GAL: variants seen among roughly 807,000 people sequenced by gnomAD.
GAL encodes the protein galanin peptides.
Under a neutral mutation model 15.8 loss-of-function variants are expected in GAL, and 14 were observed. The ratio of observed to expected loss-of-function variants is 0.89; its 90% CI spans 0.59 to 1.39. The LOEUF is 1.39. Ranked by LOEUF, GAL falls within the 40% of genes most tolerant of loss-of-function variation. The pLI is 0.00. For missense variants in GAL, 176 were observed against 170.4 expected, an observed-to-expected ratio of 1.03 and a Z score of -0.18; for synonymous variants, 79 against 73.8, an observed-to-expected ratio of 1.07 and a Z score of -0.36.
At position 68,691,019 on chromosome 11, in the gene GAL, T is replaced by C. The variant is rs1304813457; in HGVS notation, c.*32T>C. 7.4e-7 allele frequency: 1 copy of C among 1,352,336 alleles called. No individual in the cohort carries two copies. The highest frequency in any genetic ancestry group is 1.7e-5 in the Admixed American group (1 of 59,680). The allele number at this position is 1,352,336 out of a possible 1,614,324, so 83.8% of individuals were successfully genotyped here. On this transcript the variant is annotated 3_prime_UTR_variant, in exon 6 of 6. Coordinates refer to ENST00000265643, the MANE Select transcript of GAL (RefSeq NM_015973.5). ...CCTGGGCATGTTTGTCTGTGTGCTG[T>C]AACCTGAAGTCAAACCTTAAGATAA...
chr11:68,684,824 C>T (rs1020421704), intron 1 of GAL, 92 bp downstream of exon 1: 5 of 709,770 alleles, frequency 7.0e-6, no homozygotes, highest in South Asian at 3.4e-5. Flanking sequence ...GGCCCTGGCC[C>T]GGCCGCCGCC....
At position 68,690,922 on chromosome 11, in the gene GAL, G is replaced by T. The variant is rs749401752; in HGVS notation, c.307G>T (p.Gly103Cys). 6.2e-7 allele frequency: 1 copy of T among 1,610,838 alleles called. No individual in the cohort carries two copies. The highest frequency in any genetic ancestry group is 1.1e-5 in the South Asian group (1 of 91,018). ...FLSFLHLKEA[G>C]ALDRLLDLPA... ...TGTGGCTCTTCCCTTTGCAGAGGCC[G>T]GTGCCCTCGACCGCCTCCTGGATCT... is the stretch of plus-strand genomic sequence containing the variant. Residue 103 changes from glycine to cysteine, a missense_variant, in exon 6 of 6, where the codon GGT (glycine) becomes TGT (cysteine). Physicochemically the swap from Gly to Cys is radical, Grantham distance 159. Transcript: ENST00000265643.
intron 5 of GAL, among the ~76,000 whole-genome samples, chr11:68,689,844 A>G (rs1945888827): frequency 6.6e-6 from 1 of 152,176 alleles, no homozygotes; most frequent in Admixed American, 6.5e-5. Flanking sequence ...TTCTGCAAAC[A>G]CTGGGGATGA....
Position 68,691,124 on chromosome 11 carries a change from A to ATT in GAL, c.*148_*149dup, listed in dbSNP as rs774668297. On this transcript the variant is annotated 3_prime_UTR_variant, in exon 6 of 6. Transcript: ENST00000265643. ...TGATGTTGTGTTGTTATCATTTAAG[A>ATT]TTTTTTTTTTTTGGTAATTATTTTG... 1.1e-4 allele frequency: 55 copies of ATT among 488,720 alleles called. No individual in the cohort carries two copies. The highest frequency in any genetic ancestry group is 4.5e-4 in the East Asian group (13 of 28,698). The allele number at this position is 488,720 out of a possible 1,614,324, so 30.3% of individuals were successfully genotyped here. A position where few individuals can be genotyped will look rare whatever the true frequency, so the allele number is the denominator to read the frequency against.
rs893491505 is a variant in GAL, at chr11:68,684,689, C to T, written c.-44C>T. 6 of 399,882 alleles carry T rather than the reference C, an allele frequency of 1.5e-5. No individual in the cohort carries two copies. The highest frequency in any genetic ancestry group is 2.2e-5 in the Non-Finnish European group (5 of 226,016). The allele number at this position is 399,882 out of a possible 1,614,324, so 24.8% of individuals were successfully genotyped here. A position where few individuals can be genotyped will look rare whatever the true frequency, so the allele number is the denominator to read the frequency against. ...CCTGCCGCCCAGACCCGCCACCGCA[C>T]CCGGACCCCGACGCTCCGAACCCGG... On this transcript the variant is annotated 5_prime_UTR_variant, in exon 1 of 6. Transcript: ENST00000265643.
chr11:68,686,581 GTCAC>G (rs1945854892), intron 3 of GAL, among the ~76,000 whole-genome samples: 1 of 152,188 alleles, frequency 6.6e-6, no homozygotes, highest in South Asian at 2.1e-4. Context: ...GTTTATCGGG[GTCAC>G]TCAGAGGACC....
chr11:68,690,647 G>T (rs73517039), intron 5 of GAL, among the ~76,000 whole-genome samples: 2,630 of 152,184 alleles, frequency 0.017, 83 homozygotes, highest in African/African-American at 0.06. Context: ...CTTTCCTTAG[G>T]ATATACCAGC....
chr11:68,684,674 A>C lies in GAL; in HGVS notation c.-59A>C. The C allele has an allele frequency of 5.3e-5, 19 of 360,582 alleles. No individual in the cohort carries two copies. The highest frequency in any genetic ancestry group is 1.3e-4 in the East Asian group (3 of 22,828). The allele number at this position is 360,582 out of a possible 1,614,324, so 22.3% of individuals were successfully genotyped here. ...GGCCCGACGCCCGGACCTGCCGCCC[A>C]GACCCGCCACCGCACCCGGACCCCG... On this transcript the variant is annotated 5_prime_UTR_variant, in exon 1 of 6. Transcript: ENST00000265643.
In GAL at chr11:68,685,013, G is replaced by C; in HGVS notation, c.81+9G>C. ...CGGGGCTCTGGTCGCCGGTAAGTGC[G>C]GGGCGCGTCTCCTCCGAGCGAAGGG... On this transcript the variant is annotated intron_variant, in intron 2 of 5. Transcript: ENST00000265643. 6.4e-7 allele frequency: 1 copy of C among 1,572,086 alleles called. No homozygotes were observed. Among genetic ancestry groups the C allele is most frequent in the Non-Finnish European group, 8.7e-7 (1 of 1,152,992 alleles).
intron 3 of GAL, 59 bp downstream of exon 3, chr11:68,685,707 C>T: frequency 8.0e-7 from 1 of 1,253,648 alleles, no homozygotes; most frequent in Non-Finnish European, 1.2e-6. Context: ...TCGCTTTGAA[C>T]CCTGGCTCCT....
At chr11:68,687,283 C>T (rs935776283) in intron 3 of GAL, among the ~76,000 whole-genome samples, 1 of 152,158 alleles carries the variant, frequency 6.6e-6, no homozygotes, top group Non-Finnish European at 1.5e-5. Context: ...CATTTCCTTT[C>T]CTGCACAGCC....
rs570131724 is a variant in GAL, at chr11:68,688,906, T to C, written c.281T>C (p.Leu94Pro). The C allele has an allele frequency of 3.3e-6, 5 of 1,536,924 alleles. No homozygotes were observed. Among genetic ancestry groups the C allele is most frequent in the African/African-American group, 1.4e-5 (1 of 73,720 alleles). The change falls in exon 5 of 6, where the codon CTG becomes CCG. Residue 94 changes from leucine to proline, a missense_variant. Coordinates refer to ENST00000265643, the MANE Select transcript of GAL (RefSeq NM_015973.5). ...ATCATGCGCACAATCATTGAGTTTCTGTCTTTCTTGCATCTCAAAGGTATG... is the reference window on the plus strand; with the variant it reads ...ATCATGCGCACAATCATTGAGTTTCCGTCTTTCTTGCATCTCAAAGGTATG... ...NNIMRTIIEF[L>P]SFLHLKEAGA... is the part of the protein sequence containing the mutation.
At chr11:68,688,723 G>A (rs553526696) in intron 4 of GAL, 126 bp from the exon 5 acceptor site, 2 of 641,214 alleles carry the variant, frequency 3.1e-6, no homozygotes, top group South Asian at 1.8e-5. Context: ...AGCACAGCAG[G>A]GCCTCAGGCT....
chr11:68,686,465 C>T (rs546602443), intron 3 of GAL, among the ~76,000 whole-genome samples: 7 of 152,282 alleles, frequency 4.6e-5, no homozygotes, highest in East Asian at 3.9e-4. Flanking sequence ...CTGAGCCCCG[C>T]GGAGCAGCAA....
intron 1 of GAL, 77 bp from the exon 2 acceptor site, chr11:68,684,847 C>G: frequency 1.1e-6 from 1 of 873,406 alleles, no homozygotes; most frequent in Non-Finnish European, 1.8e-6. Context: ...TGCTCCTCCC[C>G]GCAGCCCCGG....
At chr11:68,689,701 A>C (rs969323800) in intron 5 of GAL, among the ~76,000 whole-genome samples, 1 of 152,060 alleles carries the variant, frequency 6.6e-6, no homozygotes, top group Non-Finnish European at 1.5e-5. Flanking sequence ...CTGGCCCTAA[A>C]CCATATTTTC....
At chr11:68,687,500 T>C (rs1278521973) in intron 3 of GAL, among the ~76,000 whole-genome samples, 1 of 152,014 alleles carries the variant, frequency 6.6e-6, no homozygotes, top group East Asian at 1.9e-4. Flanking sequence ...TCGCTCCCTC[T>C]GTCTCTCTCC....
intron 5 of GAL, among the ~76,000 whole-genome samples, chr11:68,689,583 G>T (rs1195473158): frequency 1.3e-5 from 2 of 152,128 alleles, no homozygotes; most frequent in African/African-American, 2.4e-5. Flanking sequence ...TTTTAGTAGA[G>T]GCTGGGGTTC....
chr11:68,685,643 G>A lies in GAL; in HGVS notation c.131G>A (p.Gly44Asp), dbSNP rs530344730. Residue 44 changes from glycine (G) to aspartate (D), a missense_variant, in exon 3 of 6, where the codon GGC (glycine) becomes GAC (aspartate). By Grantham distance (94) the Gly-to-Asp change is moderately conservative. Transcript: ENST00000265643. ...CTGAACAGCGCGGGCTACCTGCTGGGCCCACGTAAGTGACTGACAGCATGG... is the reference window on the plus strand; with the variant it reads ...CTGAACAGCGCGGGCTACCTGCTGGACCCACGTAAGTGACTGACAGCATGG... ...WTLNSAGYLL[G>D]PHAVGNHRSF... 1 of 1,611,234 alleles carries A rather than the reference G, an allele frequency of 6.2e-7. No homozygotes were observed. Among genetic ancestry groups the A allele is most frequent in the South Asian group, 1.1e-5 (1 of 90,958 alleles).
Sources: allele counts gnomAD v4.1 joint callset (sites outside exome capture counted in the v4.1 genomes callset), GRCh38; gene constraint gnomAD v4.1.1; transcripts MANE v1.5; gene names NCBI Gene and HGNC (gene_info 2026-07-23, HGNC 2026-07-21).